ADGRB3: variants seen among roughly 807,000 people sequenced by gnomAD.
The protein encoded by ADGRB3 is adhesion G protein-coupled receptor B3.
ADGRB3 carries 37 observed loss-of-function variants against 193.4 expected under a neutral mutation model. The observed-to-expected ratio is 0.19, with a 90% CI of 0.15 to 0.25. The LOEUF (loss-of-function observed/expected upper bound fraction) is 0.25, where lower values mean the gene tolerates loss of function less well. Ranked by LOEUF, ADGRB3 falls within the 10% of genes least tolerant of loss-of-function variation. The pLI, the probability that ADGRB3 is intolerant of heterozygous loss-of-function variation, is 1.00. For missense variants in ADGRB3, 1,637 were observed against 1,852.9 expected, an observed-to-expected ratio of 0.88 and a Z score of 2.14; for synonymous variants, 690 against 644.2, an observed-to-expected ratio of 1.07 and a Z score of -1.08.
At chr6:69,168,946 T>G (rs1192809456) in intron 17 of ADGRB3, among the ~76,000 whole-genome samples, 1 of 152,130 alleles carries the variant, frequency 6.6e-6, no homozygotes, top group East Asian at 1.9e-4. Flanking sequence ...TATTTTTATT[T>G]TTTTATTCTT....
intron 26 of ADGRB3, among the ~76,000 whole-genome samples, chr6:69,341,019 T>C (rs946021427): frequency 6.6e-6 from 1 of 152,238 alleles, no homozygotes; most frequent in Non-Finnish European, 1.5e-5. Flanking sequence ...CTATCACTGA[T>C]GGGCATTTGG....
At chr6:68,701,468 T>C (rs1275671201) in intron 3 of ADGRB3, among the ~76,000 whole-genome samples, 4 of 152,202 alleles carry the variant, frequency 2.6e-5, no homozygotes, top group African/African-American at 9.6e-5. Flanking sequence ...TCACTACCAA[T>C]TGATCTGAGT....
At chr6:69,278,307 C>T (rs1022729084) in intron 20 of ADGRB3, among the ~76,000 whole-genome samples, 5 of 152,148 alleles carry the variant, frequency 3.3e-5, no homozygotes, top group Admixed American at 6.5e-5. Flanking sequence ...AACACTTTGC[C>T]ATAACTTCAT....
intron 17 of ADGRB3, among the ~76,000 whole-genome samples, chr6:69,204,204 A>G (rs1270696775): frequency 6.6e-6 from 1 of 152,212 alleles, no homozygotes; most frequent in Non-Finnish European, 1.5e-5. Flanking sequence ...AAATATAAAA[A>G]GCCCAAAGTC....
chr6:68,867,688 C>T (rs1765334580), intron 3 of ADGRB3, among the ~76,000 whole-genome samples: 2 of 152,218 alleles, frequency 1.3e-5, no homozygotes, highest in African/African-American at 4.8e-5. Flanking sequence ...CCTGCAAAGC[C>T]ACAGGGGTGG....
intron 17 of ADGRB3, among the ~76,000 whole-genome samples, chr6:69,096,622 C>A (rs1772885965): frequency 1.3e-5 from 2 of 152,096 alleles, no homozygotes; most frequent in Non-Finnish European, 2.9e-5. Context: ...TAATCTTGCT[C>A]ATAGTTTGTG....
At chr6:69,104,576 A>C (rs139984062) in intron 17 of ADGRB3, among the ~76,000 whole-genome samples, 72 of 152,200 alleles carry the variant, frequency 4.7e-4, no homozygotes, top group African/African-American at 1.6e-3. Flanking sequence ...TTTAATAAAA[A>C]TGTATAGGCA....
At chr6:68,788,857 A>G (rs1380199866) in intron 3 of ADGRB3, among the ~76,000 whole-genome samples, 3 of 152,230 alleles carry the variant, frequency 2.0e-5, no homozygotes, top group Non-Finnish European at 2.9e-5. Flanking sequence ...GTGCATATAC[A>G]TATAGGATAG....
At chr6:69,160,073 C>T (rs941992713) in intron 17 of ADGRB3, among the ~76,000 whole-genome samples, 8 of 152,102 alleles carry the variant, frequency 5.3e-5, no homozygotes, top group Admixed American at 4.6e-4. Context: ...GATCAATTGT[C>T]TAAGCCCTAG....
intron 17 of ADGRB3, among the ~76,000 whole-genome samples, chr6:69,208,949 C>T (rs1765597962): frequency 6.6e-6 from 1 of 152,148 alleles, no homozygotes; most frequent in Non-Finnish European, 1.5e-5. Flanking sequence ...CACCAAAGCG[C>T]AGTAACAGGC....
intron 17 of ADGRB3, among the ~76,000 whole-genome samples, chr6:69,119,593 TTG>T (rs5877193): frequency 0.64 from 96,674 of 151,612 alleles, 32,060 homozygotes; most frequent in East Asian, 0.95. Flanking sequence ...TCTTTTGTTT[TTG>T]TGTGTGTGTG....
chr6:69,120,292 T>C (rs1011748300), intron 17 of ADGRB3, among the ~76,000 whole-genome samples: 2 of 152,202 alleles, frequency 1.3e-5, no homozygotes, highest in East Asian at 1.9e-4. Context: ...TTGTTAGAAA[T>C]GCATACTTTG....
chr6:69,229,846 C>G (rs377411942), intron 17 of ADGRB3, among the ~76,000 whole-genome samples: 1 of 152,128 alleles, frequency 6.6e-6, no homozygotes, highest in East Asian at 1.9e-4. Context: ...ATGTAGACTC[C>G]TAGGAAACCG....
At chr6:68,899,187 CA>C (rs1408184198) in intron 3 of ADGRB3, among the ~76,000 whole-genome samples, 1 of 152,044 alleles carries the variant, frequency 6.6e-6, no homozygotes, top group Non-Finnish European at 1.5e-5. Flanking sequence ...TCTAAAATTT[CA>C]AAAAATTTAA....
intron 3 of ADGRB3, among the ~76,000 whole-genome samples, chr6:68,697,334 G>C (rs555091019): frequency 6.6e-6 from 1 of 151,790 alleles, no homozygotes; most frequent in South Asian, 2.1e-4. Context: ...GGCCTGCTTT[G>C]ATCATCATTG....
chr6:68,829,914 C>G lies in ADGRB3; in HGVS notation c.758-100645C>G, dbSNP rs1007871470. 3.9e-5 allele frequency among the ~76,000 whole-genome samples: 6 copies of G among 152,100 alleles called. No homozygotes were observed. The South Asian group carries it at 1.0e-3, about 26-fold the overall frequency. On this transcript the variant is annotated intron_variant, in intron 3 of 31. Transcript: ENST00000370598. ...TAAAATAATCTCATATAAGATAGAACATAATGATAAAAATGAGTGTTTGAA... is the reference window on the plus strand; with the variant it reads ...TAAAATAATCTCATATAAGATAGAAGATAATGATAAAAATGAGTGTTTGAA...
chr6:69,212,625 T>G (rs1765692619), intron 17 of ADGRB3, among the ~76,000 whole-genome samples: 1 of 152,222 alleles, frequency 6.6e-6, no homozygotes, highest in Admixed American at 6.5e-5. Flanking sequence ...GTCCTGTTCC[T>G]TCCTTGATTT....
At chr6:69,123,409 A>T (rs1388816351) in intron 17 of ADGRB3, among the ~76,000 whole-genome samples, 1 of 152,158 alleles carries the variant, frequency 6.6e-6, no homozygotes, top group Admixed American at 6.5e-5. Flanking sequence ...CAGATTGTTC[A>T]ACATTTATTC....
intron 3 of ADGRB3, among the ~76,000 whole-genome samples, chr6:68,820,433 G>A (rs1767728217): frequency 1.3e-5 from 2 of 151,690 alleles, no homozygotes; most frequent in Admixed American, 6.6e-5. Context: ...AATGTGTAAC[G>A]GTCACACCAG....
Sources: gnomAD v4.1 joint callset for allele counts (sites outside exome capture counted in the v4.1 genomes callset) on GRCh38, gnomAD v4.1.1 for gene constraint, MANE v1.5 for transcripts, NCBI Gene and HGNC (gene_info 2026-07-23, HGNC 2026-07-21) for gene names.